PLCB1: variants seen among roughly 807,000 people sequenced by gnomAD.
PLCB1 encodes the protein phospholipase C beta 1, also known as 1-phosphatidylinositol 4,5-bisphosphate phosphodiesterase beta-1.
In PLCB1, 46 loss-of-function variants were observed where a neutral mutation model predicts 161.8. The observed-to-expected ratio is 0.28, with a 90% CI of 0.22 to 0.36. The LOEUF (loss-of-function observed/expected upper bound fraction) is 0.36. Among genes scored for constraint, PLCB1 ranks in the 10% least tolerant of loss-of-function variants. The pLI is 1.00. For missense variants in PLCB1, 1,016 were observed against 1,472.5 expected, an observed-to-expected ratio of 0.69 and a Z score of 5.07; for synonymous variants, 517 against 503.7, an observed-to-expected ratio of 1.03 and a Z score of -0.35.
rs1047352837 is a variant in PLCB1, at chr20:8,349,629, G to GT, written c.178-21747dup. 2.0e-5 allele frequency among the ~76,000 whole-genome samples: 3 copies of GT among 152,204 alleles called. No homozygotes were observed. The South Asian group carries it at 6.2e-4, about 32-fold the overall frequency. On this transcript the variant is annotated intron_variant, in intron 2 of 31. Coordinates refer to ENST00000338037, the MANE Select transcript of PLCB1 (RefSeq NM_015192.4). ...AGCAAAAACATTTTGTTTTGTTTTG[G>GT]TTTTTTGTTTGTTTGTTTATTTTTG... is the stretch of plus-strand genomic sequence containing the variant.
At chr20:8,236,140 T>G (rs1980307134) in intron 2 of PLCB1, among the ~76,000 whole-genome samples, 1 of 152,104 alleles carries the variant, frequency 6.6e-6, no homozygotes, top group Non-Finnish European at 1.5e-5. Context: ...CAACCAAAAT[T>G]TCAAATATAG....
chr20:8,745,771 C>G (rs1981138752), intron 23 of PLCB1, among the ~76,000 whole-genome samples: 1 of 151,958 alleles, frequency 6.6e-6, no homozygotes, highest in Non-Finnish European at 1.5e-5. Flanking sequence ...TGAATCCTAA[C>G]AAAGTATAAC....
chr20:8,466,372 T>C (rs974280270), intron 3 of PLCB1, among the ~76,000 whole-genome samples: 25 of 150,218 alleles, frequency 1.7e-4, no homozygotes, highest in Non-Finnish European at 3.4e-4. Context: ...TACCTAATGC[T>C]AGATGACGAG....
chr20:8,878,280 T>C (rs1987848040), intron 31 of PLCB1, among the ~76,000 whole-genome samples: 1 of 152,176 alleles, frequency 6.6e-6, no homozygotes, highest in African/African-American at 2.4e-5. Context: ...CCTATCTTCC[T>C]TGGAAACACA....
intron 4 of PLCB1, among the ~76,000 whole-genome samples, chr20:8,632,604 G>T (rs1257050647): frequency 6.6e-6 from 1 of 152,168 alleles, no homozygotes; most frequent in African/African-American, 2.4e-5. Flanking sequence ...AGGGTGGTCA[G>T]TGTAGCCATC....
Position 8,656,851 on chromosome 20 carries a change from G to A in PLCB1, c.595-333G>A, listed in dbSNP as rs147797979. On this transcript the variant is annotated intron_variant, in intron 7 of 31. Transcript: ENST00000338037. The stretch of plus-strand genomic sequence containing the variant: ...AGACTATCTTTCCTAGATCTAACTT[G>A]CTTTAGAAAATGTATATAGGAAATT... 6.8e-3 allele frequency among the ~76,000 whole-genome samples: 1,026 copies of A among 150,388 alleles called. 7 individuals carry two copies. Among genetic ancestry groups the A allele is most frequent in the African/African-American group, 0.024 (983 of 41,126 alleles).
At chr20:8,355,702 T>G (rs1484700566) in intron 2 of PLCB1, among the ~76,000 whole-genome samples, 1 of 152,160 alleles carries the variant, frequency 6.6e-6, no homozygotes, top group Non-Finnish European at 1.5e-5. Flanking sequence ...GCGAGCCCAG[T>G]ATTGCTGAAC....
At position 8,742,339 on chromosome 20, in the gene PLCB1, G is replaced by A. The variant is rs34502391; in HGVS notation, c.2523+766G>A. Among the ~76,000 whole-genome samples, 390 of 152,226 alleles carry A rather than the reference G, an allele frequency of 2.6e-3. 3 individuals carry two copies. Among genetic ancestry groups the A allele is most frequent in the Non-Finnish European group, 4.5e-3 (303 of 67,974 alleles). On this transcript the variant is annotated intron_variant, in intron 23 of 31. Transcript: ENST00000338037. ...AAAGATAGAAAATGGAGAACTGTCA[G>A]TATTGGGGGAAAAAACCTTGAAAAT... is the stretch of plus-strand genomic sequence containing the variant.
rs1984450978 is a variant in PLCB1 at position 8,523,492 on chromosome 20, CTCTCTATATATATATAT to C, written c.247-104801_247-104785del. On this transcript the variant is annotated intron_variant, in intron 3 of 31. Coordinates refer to ENST00000338037, the MANE Select transcript of PLCB1 (RefSeq NM_015192.4). ...TCTCTCTCTCTCTCTCTCTCTCTCT[CTCTCTATATATATATAT>C]ATATATATATATGGAGAGAGACAAC... 1.5e-4 allele frequency among the ~76,000 whole-genome samples: 9 copies of C among 61,856 alleles called. 1 individual carries two copies. The highest frequency in any genetic ancestry group is 4.1e-4 in the African/African-American group (6 of 14,534). The allele number at this position is 61,856 out of a possible 152,430, so 40.6% of individuals were successfully genotyped here.
At chr20:8,748,840 G>A (rs533973832) in intron 23 of PLCB1, among the ~76,000 whole-genome samples, 10 of 152,274 alleles carry the variant, frequency 6.6e-5, no homozygotes, top group African/African-American at 2.2e-4. Flanking sequence ...GGGACAAAGC[G>A]GGTAACTATG....
chr20:8,218,391 T>C (rs1417578000), intron 2 of PLCB1, among the ~76,000 whole-genome samples: 3 of 152,166 alleles, frequency 2.0e-5, no homozygotes, highest in Non-Finnish European at 4.4e-5. Context: ...TGCCTCTTTT[T>C]CCCCAACTAG....
chr20:8,510,719 A>G (rs1486875637), intron 3 of PLCB1, among the ~76,000 whole-genome samples: 2 of 152,142 alleles, frequency 1.3e-5, no homozygotes, highest in East Asian at 3.9e-4. Context: ...CTGCAATTTA[A>G]AATTTACTGA....
At position 8,284,694 on chromosome 20, in the gene PLCB1, A is replaced by C. The variant is rs548475780; in HGVS notation, c.178-86688A>C. Among the ~76,000 whole-genome samples the C allele has an allele frequency of 2.0e-5, 3 of 152,254 alleles. No individual in the cohort carries two copies. The East Asian group carries it at 5.8e-4, about 29-fold the overall frequency. ...TTAGCTCAATATAATATGAGTGCAC[A>C]TTGATAACATTTCATAACTTCCCCT... On this transcript the variant is annotated intron_variant, in intron 2 of 31. Coordinates refer to ENST00000338037, the MANE Select transcript of PLCB1 (RefSeq NM_015192.4).
chr20:8,406,519 T>C (rs13040411), intron 3 of PLCB1, among the ~76,000 whole-genome samples: 21,207 of 152,184 alleles, frequency 0.14, 1,881 homozygotes, highest in Non-Finnish European at 0.19. Flanking sequence ...AAAGTGAGGT[T>C]CACTATCTTC....
intron 3 of PLCB1, among the ~76,000 whole-genome samples, chr20:8,602,762 A>C (rs1158626371): frequency 6.6e-6 from 1 of 152,214 alleles, no homozygotes. Context: ...TTCTATTTAA[A>C]GGGATTTTAA....
chr20:8,401,546 A>G (rs556397105), intron 3 of PLCB1, among the ~76,000 whole-genome samples: 53 of 152,330 alleles, frequency 3.5e-4, no homozygotes, highest in African/African-American at 1.2e-3. Flanking sequence ...AAAGTAGTCC[A>G]TGATAACAAA....
intron 4 of PLCB1, among the ~76,000 whole-genome samples, chr20:8,634,777 G>A (rs1362110535): frequency 2.0e-5 from 3 of 152,128 alleles, no homozygotes; most frequent in African/African-American, 7.2e-5. Flanking sequence ...GCACCTCGCT[G>A]GGCACTGAGG....
intron 18 of PLCB1, among the ~76,000 whole-genome samples, chr20:8,732,833 A>T (rs1980340531): frequency 7.5e-6 from 1 of 134,122 alleles, no homozygotes; most frequent in African/African-American, 2.7e-5. Context: ...TGTATATACT[A>T]TATTTATATA....
At chr20:8,277,028 G>A (rs1197218789) in intron 2 of PLCB1, among the ~76,000 whole-genome samples, 3 of 140,910 alleles carry the variant, frequency 2.1e-5, no homozygotes, top group African/African-American at 8.0e-5. Context: ...TAGAGATGGA[G>A]TCTCACTCTG....
Sources: gnomAD v4.1 joint callset for allele counts (sites outside exome capture counted in the v4.1 genomes callset) on GRCh38, gnomAD v4.1.1 for gene constraint, MANE v1.5 for transcripts, NCBI Gene and HGNC (gene_info 2026-07-23, HGNC 2026-07-21) for gene names.